B3GLCT: variants seen among roughly 807,000 people sequenced by gnomAD.
B3GLCT encodes the protein beta 3-glucosyltransferase, also known as beta-1,3-glucosyltransferase.
B3GLCT carries 65 observed loss-of-function variants against 63.4 expected under a neutral mutation model. The observed-to-expected ratio is 1.03, with a 90% CI of 0.84 to 1.26. B3GLCT has a LOEUF of 1.26. Ranked by LOEUF, B3GLCT falls within the 50% of genes most tolerant of loss-of-function variation. B3GLCT has a pLI of 0.00. For synonymous variants in B3GLCT, 233 were observed against 219.2 expected (o/e 1.06, Z -0.55); for missense variants, 577 against 604.8 (o/e 0.95, Z 0.48).
At chr13:31,318,342 C>A (rs1372672425) in intron 13 of B3GLCT, among the ~76,000 whole-genome samples, 3 of 152,124 alleles carry the variant, frequency 2.0e-5, no homozygotes, top group Admixed American at 6.5e-5. Context: ...GTGTTCCAGG[C>A]AGCATTCTAG....
chr13:31,327,110 T>A (rs1185801131), intron 14 of B3GLCT, among the ~76,000 whole-genome samples: 1 of 152,228 alleles, frequency 6.6e-6, no homozygotes, highest in Non-Finnish European at 1.5e-5. Flanking sequence ...TTGGCTATAC[T>A]GAACCCTACG....
chr13:31,308,577 A>G (rs1320209067), intron 12 of B3GLCT, among the ~76,000 whole-genome samples: 1 of 152,082 alleles, frequency 6.6e-6, no homozygotes, highest in Admixed American at 6.5e-5. Context: ...GCAATTGTTC[A>G]GCATTGAGTT....
At chr13:31,216,057 T>C (rs1299072325) in intron 2 of B3GLCT, among the ~76,000 whole-genome samples, 1 of 152,234 alleles carries the variant, frequency 6.6e-6, no homozygotes, top group African/African-American at 2.4e-5. Flanking sequence ...AACAGTAGTT[T>C]AAAATATCAG....
chr13:31,300,650 G>T (rs1325122256), intron 12 of B3GLCT, among the ~76,000 whole-genome samples: 1 of 152,146 alleles, frequency 6.6e-6, no homozygotes, highest in African/African-American at 2.4e-5. Context: ...CACAGGACTG[G>T]TTGAGTCATG....
intron 7 of B3GLCT, among the ~76,000 whole-genome samples, chr13:31,267,487 T>C (rs2137842672): frequency 6.6e-6 from 1 of 152,256 alleles, no homozygotes; most frequent in East Asian, 1.9e-4. Flanking sequence ...AAGATCTCAC[T>C]TGCCAGGGCA....
At position 31,279,082 on chromosome 13, in the gene B3GLCT, G is replaced by A. The variant is rs566760769; in HGVS notation, c.850+2311G>A. ...TTGATAAATAGTCTTTGCTATTCAT[G>A]TTGATGTCCTGCTATGCTCAAGGTC... is the stretch of plus-strand genomic sequence containing the variant. On this transcript the variant is annotated intron_variant, in intron 10 of 14. Coordinates refer to ENST00000343307, the MANE Select transcript of B3GLCT (RefSeq NM_194318.4). Among the ~76,000 whole-genome samples, 208 of 152,094 alleles carry A rather than the reference G, an allele frequency of 1.4e-3. 1 individual carries two copies. The highest frequency in any genetic ancestry group is 1.9e-3 in the Non-Finnish European group (132 of 68,008).
chr13:31,212,553 G>C lies in B3GLCT; in HGVS notation c.71-2498G>C, dbSNP rs187174789. ...CTCCCAAAGTGCTGGGATTACAGGC[G>C]TGGGCCACTGGGTCCGGCCGCATGT... On this transcript the variant is annotated intron_variant, in intron 1 of 14. Transcript: ENST00000343307. Among the ~76,000 whole-genome samples, 125 of 152,088 alleles carry C rather than the reference G, an allele frequency of 8.2e-4. 2 individuals carry two copies. The highest frequency in any genetic ancestry group is 2.8e-3 in the African/African-American group (118 of 41,502).
intron 12 of B3GLCT, among the ~76,000 whole-genome samples, chr13:31,289,043 T>C (rs1359815812): frequency 3.3e-5 from 5 of 152,022 alleles, no homozygotes; most frequent in African/African-American, 7.2e-5. Flanking sequence ...GAAATAGATA[T>C]CTTTAATTTA....
intron 10 of B3GLCT, among the ~76,000 whole-genome samples, chr13:31,279,362 C>T (rs533139666): frequency 2.6e-5 from 4 of 151,954 alleles, no homozygotes; most frequent in African/African-American, 9.7e-5. Flanking sequence ...CAACGTGAGT[C>T]CTTTTCTATT....
chr13:31,297,789 A>G (rs1874031629), intron 12 of B3GLCT, among the ~76,000 whole-genome samples: 3 of 152,098 alleles, frequency 2.0e-5, no homozygotes, highest in Admixed American at 2.0e-4. Context: ...CTGTGGGTTT[A>G]TTTAATTTGC....
At chr13:31,247,208 G>T (rs1192099765) in intron 5 of B3GLCT, 109 bp downstream of exon 5, 13 of 846,202 alleles carry the variant, frequency 1.5e-5, no homozygotes, top group Non-Finnish European at 7.8e-6. Flanking sequence ...AGTAAGTGAA[G>T]TAAATTTGAG....
At chr13:31,289,514 A>G (rs1785282709) in intron 12 of B3GLCT, among the ~76,000 whole-genome samples, 1 of 152,226 alleles carries the variant, frequency 6.6e-6, no homozygotes, top group African/African-American at 2.4e-5. Context: ...AAAATTAGCA[A>G]GAGCAAAAGC....
chr13:31,279,633 G>A (rs1011786844), intron 10 of B3GLCT, among the ~76,000 whole-genome samples: 2 of 152,144 alleles, frequency 1.3e-5, no homozygotes, highest in African/African-American at 4.8e-5. Context: ...CACAGGACCA[G>A]GGCGAAATTA....
chr13:31,224,653 A>G (rs1176404096), intron 3 of B3GLCT, among the ~76,000 whole-genome samples: 1 of 151,976 alleles, frequency 6.6e-6, no homozygotes, highest in Non-Finnish European at 1.5e-5. Context: ...CTTGCTGCCT[A>G]ATTGATAGAT....
intron 10 of B3GLCT, among the ~76,000 whole-genome samples, chr13:31,281,655 G>C (rs773242966): frequency 6.6e-6 from 1 of 152,174 alleles, no homozygotes; most frequent in Non-Finnish European, 1.5e-5. Context: ...TGAGGAATTA[G>C]GACACATTCA....
intron 5 of B3GLCT, 67 bp from the exon 6 acceptor site, chr13:31,247,788 C>A: frequency 1.3e-6 from 1 of 790,636 alleles, no homozygotes; most frequent in Non-Finnish European, 2.2e-6. Context: ...TCCTACTGAT[C>A]AGTTTTAAAC....
At chr13:31,273,800 A>T (rs1016760828) in intron 8 of B3GLCT, among the ~76,000 whole-genome samples, 2 of 152,222 alleles carry the variant, frequency 1.3e-5, no homozygotes, top group African/African-American at 4.8e-5. Flanking sequence ...AGGTGGCACA[A>T]ATTAGGGAGG....
intron 12 of B3GLCT, among the ~76,000 whole-genome samples, chr13:31,296,573 T>TG (rs1388722887): frequency 6.6e-6 from 1 of 152,224 alleles, no homozygotes; most frequent in Non-Finnish European, 1.5e-5. Context: ...TGATAAAATT[T>TG]GGGGGGAACA....
chr13:31,228,605 G>C (rs928042528), intron 3 of B3GLCT, among the ~76,000 whole-genome samples: 7 of 152,124 alleles, frequency 4.6e-5, no homozygotes, highest in East Asian at 1.9e-4. Flanking sequence ...TTCCTTCTCT[G>C]TGTGTCATTT....
Sources: gnomAD v4.1 joint callset for allele counts (sites outside exome capture counted in the v4.1 genomes callset) on GRCh38, gnomAD v4.1.1 for gene constraint, MANE v1.5 for transcripts, NCBI Gene and HGNC (gene_info 2026-07-23, HGNC 2026-07-21) for gene names.